CRBN: variants seen among roughly 807,000 people sequenced by gnomAD.
The protein encoded by CRBN is protein cereblon.
In CRBN, 53 loss-of-function variants were observed where a neutral mutation model predicts 62.2. That is an observed-to-expected ratio of 0.85 (90% CI 0.68 to 1.07). The LOEUF (loss-of-function observed/expected upper bound fraction) is 1.07. Ranked by LOEUF, CRBN falls within the 50% of genes least tolerant of loss-of-function variation. The pLI, the probability that CRBN is intolerant of heterozygous loss-of-function variation, is 0.00. For missense variants in CRBN, 616 were observed against 531.1 expected, an observed-to-expected ratio of 1.16 and a Z score of -1.57; for synonymous variants, 208 against 176.1, an observed-to-expected ratio of 1.18 and a Z score of -1.43.
chr3:3,151,640 G>T (rs1164701989), intron 10 of CRBN, among the ~76,000 whole-genome samples: 1 of 152,014 alleles, frequency 6.6e-6, no homozygotes, highest in African/African-American at 2.4e-5. Flanking sequence ...TTTATTTATA[G>T]TAACAAATGT....
Position 3,166,914 on chromosome 3 carries a change from G to C in CRBN, c.687+720C>G, listed in dbSNP as rs114562526. The stretch of plus-strand genomic sequence containing the variant: ...TTAATAGAGAATTTTTAAGGTTACA[G>C]TGGAAACTGTCTTTCCATATTAAAA... On this transcript the variant is annotated intron_variant, in intron 5 of 10. Coordinates refer to ENST00000231948, the MANE Select transcript of CRBN (RefSeq NM_016302.4). Among the ~76,000 whole-genome samples, 1,360 of 150,818 alleles carry C rather than the reference G, an allele frequency of 9.0e-3. 25 individuals are homozygous for C. The highest frequency in any genetic ancestry group is 0.031 in the African/African-American group (1,291 of 41,252).
chr3:3,152,393 G>C (rs1706627904), intron 10 of CRBN, 63 bp downstream of exon 10: 1 of 1,529,602 alleles, frequency 6.5e-7, no homozygotes, highest in African/African-American at 1.4e-5. Context: ...TTAGGACTCT[G>C]GATTTTTCTG....
Position 3,150,238 on chromosome 3 carries a change from T to G in CRBN, c.*627A>C, listed in dbSNP as rs1706414699. On this transcript the variant is annotated 3_prime_UTR_variant, in exon 11 of 11. Coordinates refer to ENST00000231948, the MANE Select transcript of CRBN (RefSeq NM_016302.4). ...GCAAATACACAATACTACTTTTTAC[T>G]AACAGGCACATAAAGGAAATGACAA... 6.6e-6 allele frequency: 1 copy of G among 152,582 alleles called. No individual in the cohort carries two copies. Among genetic ancestry groups the G allele is most frequent in the Non-Finnish European group, 1.5e-5 (1 of 68,370 alleles). The allele number at this position is 152,582 out of a possible 1,614,324, so 9.5% of individuals were successfully genotyped here.
intron 5 of CRBN, among the ~76,000 whole-genome samples, chr3:3,157,268 T>C (rs749141929): frequency 1.8e-4 from 28 of 152,240 alleles, no homozygotes; most frequent in Admixed American, 3.3e-4. Flanking sequence ...TATCAAGGAA[T>C]GCTCTGCAAG....
At chr3:3,161,598 A>G (rs1208853507) in intron 5 of CRBN, among the ~76,000 whole-genome samples, 1 of 152,182 alleles carries the variant, frequency 6.6e-6, no homozygotes, top group Non-Finnish European at 1.5e-5. Flanking sequence ...CATTTTGGCC[A>G]GGCTGGTCTT....
At chr3:3,152,945 T>G (rs1485893415) in intron 9 of CRBN, 1 of 313,508 alleles carries the variant, frequency 3.2e-6, no homozygotes, top group Non-Finnish European at 6.0e-6. Context: ...TTTGGGGCAG[T>G]TGATTATTTT....
At chr3:3,159,151 C>T (rs1707032774) in intron 5 of CRBN, among the ~76,000 whole-genome samples, 1 of 152,138 alleles carries the variant, frequency 6.6e-6, no homozygotes, top group South Asian at 2.1e-4. Flanking sequence ...TATAAATTAC[C>T]CAGTCTTGGG....
At chr3:3,160,355 A>C (rs1460996746) in intron 5 of CRBN, among the ~76,000 whole-genome samples, 2 of 152,246 alleles carry the variant, frequency 1.3e-5, no homozygotes, top group Non-Finnish European at 2.9e-5. Context: ...TCAGCAATGT[A>C]AATGACAGAA....
At chr3:3,168,093 T>A (rs1405467121) in intron 4 of CRBN, among the ~76,000 whole-genome samples, 1 of 151,808 alleles carries the variant, frequency 6.6e-6, no homozygotes, top group Non-Finnish European at 1.5e-5. Context: ...AACAAAGTTT[T>A]AAAAAAACCA....
At chr3:3,166,076 G>A (rs552519741) in intron 5 of CRBN, among the ~76,000 whole-genome samples, 1 of 152,228 alleles carries the variant, frequency 6.6e-6, no homozygotes, top group South Asian at 2.1e-4. Context: ...TCTGTATCTG[G>A]TATGGGGAAG....
chr3:3,170,899 G>A (rs565176500), intron 4 of CRBN, among the ~76,000 whole-genome samples: 4 of 152,088 alleles, frequency 2.6e-5, no homozygotes, highest in Non-Finnish European at 1.5e-5. Flanking sequence ...TCTGCCTCCC[G>A]GGTTCAAGCG....
intron 1 of CRBN, 55 bp downstream of exon 1, chr3:3,179,566 G>A: frequency 6.4e-7 from 1 of 1,561,306 alleles, no homozygotes; most frequent in Non-Finnish European, 8.8e-7. Context: ...TGCACCGCTA[G>A]CGGCTCCGAG....
Position 3,150,453 on chromosome 3 carries a change from A to AGAT in CRBN, c.*409_*411dup, listed in dbSNP as rs1438222962. 1 of 185,360 alleles carries AGAT rather than the reference A, an allele frequency of 5.4e-6. No individual in the cohort carries two copies. Among genetic ancestry groups the AGAT allele is most frequent in the Non-Finnish European group, 1.1e-5 (1 of 87,684 alleles). The allele number at this position is 185,360 out of a possible 1,614,324, so 11.5% of individuals were successfully genotyped here. A position where few individuals can be genotyped will look rare whatever the true frequency, so the allele number is the denominator to read the frequency against. On this transcript the variant is annotated 3_prime_UTR_variant, in exon 11 of 11. Transcript: ENST00000231948. The stretch of plus-strand genomic sequence containing the variant: ...CTTTTGTTATTTAGAGCACTGGTAC[A>AGAT]GATACGCTGTCCCATACATCAGGAT...
chr3:3,151,928 C>T (rs1283357335), intron 10 of CRBN, among the ~76,000 whole-genome samples: 1 of 152,188 alleles, frequency 6.6e-6, no homozygotes, highest in African/African-American at 2.4e-5. Flanking sequence ...TTTTACATTA[C>T]TACAGAATAT....
chr3:3,155,278 T>A (rs922696846), intron 6 of CRBN: 3 of 158,528 alleles, frequency 1.9e-5, no homozygotes, highest in African/African-American at 7.2e-5. Flanking sequence ...TCATATATTG[T>A]GTCTTTGTAA....
intron 4 of CRBN, 96 bp from the exon 5 acceptor site, chr3:3,167,889 T>G: frequency 8.4e-7 from 1 of 1,190,744 alleles, no homozygotes; most frequent in Non-Finnish European, 1.2e-6. Context: ...ATACCAAGAT[T>G]TTCCAAGTTT....
chr3:3,171,386 C>A (rs1707606293), intron 4 of CRBN, among the ~76,000 whole-genome samples: 1 of 151,990 alleles, frequency 6.6e-6, no homozygotes, highest in South Asian at 2.1e-4. Flanking sequence ...ATAATGCAGA[C>A]CACCCCCACC....
chr3:3,179,666 G>A lies in CRBN; in HGVS notation c.22C>T (p.Gln8Ter), dbSNP rs1707992925. 1 of 1,613,032 alleles carries A rather than the reference G, an allele frequency of 6.2e-7. No individual in the cohort carries two copies. Among genetic ancestry groups the A allele is most frequent in the African/African-American group, 1.3e-5 (1 of 74,922 alleles). The change falls in exon 1 of 11, where the codon CAG (glutamine) becomes TAG (stop). Residue 8 changes from glutamine to a stop codon, truncating the protein, a stop_gained. Transcript: ENST00000231948. LOFTEE classifies it high-confidence loss of function. ...TTGCCCATGTTGTGCGCAGCGTCCT[G>A]CTGATCTCCTTCGCCGGCCATGTCT... The part of the protein sequence containing the change: MAGEGDQ[Q>*]DAAHNMGNHL...
intron 2 of CRBN, among the ~76,000 whole-genome samples, 193 bp downstream of exon 2, chr3:3,174,966 TCAAA>T (rs1452464956): frequency 3.9e-5 from 6 of 152,158 alleles, no homozygotes; most frequent in Admixed American, 1.3e-4. Flanking sequence ...CAACAATTCC[TCAAA>T]CAATTCTACC....
Sources: allele counts gnomAD v4.1 joint callset (sites outside exome capture counted in the v4.1 genomes callset), GRCh38; gene constraint gnomAD v4.1.1; transcripts MANE v1.5; gene names NCBI Gene and HGNC (gene_info 2026-07-23, HGNC 2026-07-21).